Variants in NUMBL observed in about 807,000 individuals in gnomAD.
NUMBL encodes NUMB like endocytic adaptor protein.
NUMBL carries 20 observed loss-of-function variants against 48.9 expected under a neutral mutation model. The observed-to-expected ratio is 0.41, with a 90% confidence interval of 0.29 to 0.59. The LOEUF is 0.59. NUMBL is among the 20% of genes least tolerant of loss of function. The pLI is 0.31. For missense variants in NUMBL, 660 were observed against 846.2 expected (o/e 0.78, Z 2.73); for synonymous variants, 340 against 348.7 (o/e 0.98, Z 0.28).
At chr19:40,684,812 G>T in intron 2 of NUMBL, 2 of 453,586 alleles carry the variant, frequency 4.4e-6, no homozygotes, top group South Asian at 2.8e-5. Flanking sequence ...GGGGCTGGAG[G>T]TCTGGGGTGG....
intron 8 of NUMBL, among the ~76,000 whole-genome samples, chr19:40,672,673 C>G (rs1479136284): frequency 6.6e-6 from 1 of 152,226 alleles, no homozygotes; most frequent in African/African-American, 2.4e-5. Context: ...GCATGGAGAT[C>G]ATGACTGCTA....
In NUMBL at chr19:40,673,175, C is replaced by T. The variant is rs185797121; in HGVS notation, c.1036+169G>A. ...TCCTGATTTGTGCTATCTCTTTCCTCTCCCTTGCCCACTGCTAATCGATCA... is the reference window on the plus strand; with the variant it reads ...TCCTGATTTGTGCTATCTCTTTCCTTTCCCTTGCCCACTGCTAATCGATCA... On this transcript the variant is annotated intron_variant, in intron 8 of 9. Transcript: ENST00000252891. The surrounding 1 kb of genome is among the most constrained non-coding windows in gnomAD (Gnocchi z 5.9). Among the ~76,000 whole-genome samples, 1 of 152,340 alleles carries T rather than the reference C, an allele frequency of 6.6e-6. No individual in the cohort carries two copies. Among genetic ancestry groups the T allele is most frequent in the Admixed American group, 6.5e-5 (1 of 15,298 alleles).
chr19:40,674,379 C>T (rs1204974356), intron 7 of NUMBL, among the ~76,000 whole-genome samples: 2 of 152,152 alleles, frequency 1.3e-5, no homozygotes, highest in Non-Finnish European at 2.9e-5. Context: ...CTCAGCCTGG[C>T]TCCCTCCACT....
At chr19:40,686,058 G>C (rs960296373) in intron 2 of NUMBL, 2 of 153,010 alleles carry the variant, frequency 1.3e-5, no homozygotes, top group East Asian at 1.9e-4. Context: ...CTCCCTGTGA[G>C]AGCCTGGGCC....
chr19:40,667,302 C>T lies in NUMBL; in HGVS notation c.*166G>A, dbSNP rs377058004. The T allele has an allele frequency of 5.8e-5, 56 of 972,328 alleles. No homozygotes were observed. In the African/African-American group the frequency reaches 7.4e-4, roughly 13 times the overall value. 60.2% of individuals were successfully genotyped at this position (972,328 alleles called of 1,614,324 possible). A position where few individuals can be genotyped will look rare whatever the true frequency, so the allele number is the denominator to read the frequency against. Reference sequence around the variant, plus strand: ...GAATTCCATCCTGTTGCAACCTGGGCGTCACAATGTTGGTTCTGTAGTGGT... The same window carrying T: ...GAATTCCATCCTGTTGCAACCTGGGTGTCACAATGTTGGTTCTGTAGTGGT... On this transcript the variant is annotated 3_prime_UTR_variant, in exon 10 of 10. Coordinates refer to ENST00000252891, the MANE Select transcript of NUMBL (RefSeq NM_004756.5). The surrounding 1 kb of genome is among the most constrained non-coding windows in gnomAD (Gnocchi z 6.1).
chr19:40,684,607 G>T, intron 2 of NUMBL, 51 bp from the exon 3 acceptor site: 1 of 1,550,762 alleles, frequency 6.4e-7, no homozygotes. Flanking sequence ...CAGAAGGTAT[G>T]GAGCTCAACG....
chr19:40,685,767 C>G (rs1011420862), intron 2 of NUMBL: 1 of 153,144 alleles, frequency 6.5e-6, no homozygotes, highest in Non-Finnish European at 1.5e-5. Context: ...GACATTGCCT[C>G]GGAGAGTGCA....
At chr19:40,684,299 T>C in intron 3 of NUMBL, 118 bp downstream of exon 3, 2 of 1,176,170 alleles carry the variant, frequency 1.7e-6, no homozygotes, top group East Asian at 2.8e-5. Context: ...GCCTCACGCT[T>C]TTTAACACCA....
intron 8 of NUMBL, among the ~76,000 whole-genome samples, chr19:40,671,425 C>T (rs1278110990): frequency 1.3e-5 from 2 of 152,048 alleles, no homozygotes; most frequent in Non-Finnish European, 2.9e-5. Context: ...TGTGGCAAGT[C>T]ACATCCAAAT....
In NUMBL at chr19:40,680,815, C is replaced by G. The variant is rs976416080; in HGVS notation, c.540+102G>C. ...CTTCTCCAGATGAGGAAACTGGGCA[C>G]ACAGAGGTTAGTGATGTGCCTGAAT... On this transcript the variant is annotated intron_variant, in intron 6 of 9. Transcript: ENST00000252891. The G allele has an allele frequency of 1.2e-5, 16 of 1,311,838 alleles. No homozygotes were observed. The Admixed American group carries it at 1.5e-4, about 12-fold the overall frequency. The allele number at this position is 1,311,838 out of a possible 1,614,324, so 81.3% of individuals were successfully genotyped here. A position where few individuals can be genotyped will look rare whatever the true frequency, so the allele number is the denominator to read the frequency against.
intron 1 of NUMBL, among the ~76,000 whole-genome samples, chr19:40,689,834 AT>A (rs957038282): frequency 6.6e-6 from 1 of 150,838 alleles, no homozygotes; most frequent in Non-Finnish European, 1.5e-5. Flanking sequence ...AATTGTCCTT[AT>A]TTTATTCAGG....
intron 6 of NUMBL, 35 bp from the exon 7 acceptor site, chr19:40,677,456 G>T: frequency 1.3e-6 from 2 of 1,582,206 alleles, no homozygotes; most frequent in Non-Finnish European, 1.7e-6. Flanking sequence ...GGTTAGAGGC[G>T]CTGGGCAGTG....
chr19:40,684,550 G>T lies in NUMBL; in HGVS notation c.116C>A (p.Ala39Glu), dbSNP rs143941883. ...PETCRTEPDG[A>E]GTMNKLRQSL... ...CTGCCGTAACTTGTTCATGGTGCCCGCCCCGTCTGGTGACACAGGACAGTG... is the reference window on the plus strand; with the variant it reads ...CTGCCGTAACTTGTTCATGGTGCCCTCCCCGTCTGGTGACACAGGACAGTG... Residue 39 changes from alanine (A) to glutamate (E), a missense_variant, in exon 3 of 10, where the codon GCG becomes GAG. This residue lies in a region of NUMBL where 86 missense variants were observed against 85.9 expected (regional missense o/e 1.00). Transcript: ENST00000252891. 3,921 of 1,606,922 alleles carry T rather than the reference G, an allele frequency of 2.4e-3. 96 individuals carry two copies. The African/African-American group carries it at 0.046, about 19-fold the overall frequency.
In NUMBL at chr19:40,687,368, C is replaced by T. The variant is rs763700067; in HGVS notation, c.25-373G>A. 2.0e-5 allele frequency among the ~76,000 whole-genome samples: 3 copies of T among 152,190 alleles called. No homozygotes were observed. Among genetic ancestry groups the T allele is most frequent in the Non-Finnish European group, 4.4e-5 (3 of 68,024 alleles). On this transcript the variant is annotated intron_variant, in intron 1 of 9. Coordinates refer to ENST00000252891, the MANE Select transcript of NUMBL (RefSeq NM_004756.5). This position sits in a 1 kb window ranked among gnomAD's most constrained non-coding sequence, Gnocchi z 4.6. ...CTTTACACACTTGGTTACACATAGA[C>T]GCAATCACAGCTACACACCTCAGAT...
At chr19:40,675,773 A>T (rs919206323) in intron 7 of NUMBL, among the ~76,000 whole-genome samples, 58 of 152,144 alleles carry the variant, frequency 3.8e-4, no homozygotes, top group Non-Finnish European at 6.8e-4. Flanking sequence ...TCTCTCTCTC[A>T]AATAAAAGTA....
intron 2 of NUMBL, chr19:40,685,768 GGA>G (rs2081931129): frequency 6.5e-6 from 1 of 153,286 alleles, no homozygotes; most frequent in South Asian, 2.1e-4. Context: ...ACATTGCCTC[GGA>G]GAGTGCATCT....
chr19:40,670,306 C>T (rs1338306448), intron 8 of NUMBL, among the ~76,000 whole-genome samples: 1 of 152,202 alleles, frequency 6.6e-6, no homozygotes, highest in Admixed American at 6.5e-5. Flanking sequence ...TTGTCTAAAA[C>T]ACTTAGCAAC....
At chr19:40,679,047 T>C (rs2081892279) in intron 6 of NUMBL, among the ~76,000 whole-genome samples, 1 of 152,096 alleles carries the variant, frequency 6.6e-6, no homozygotes, top group African/African-American at 2.4e-5. Flanking sequence ...GCCAAGATCG[T>C]GCCACTGTAC....
Position 40,689,215 on chromosome 19 carries a change from C to A in NUMBL, c.24+1245G>T, listed in dbSNP as rs558847158. 2.1e-3 allele frequency among the ~76,000 whole-genome samples: 319 copies of A among 152,246 alleles called. 1 individual carries two copies. Among genetic ancestry groups the A allele is most frequent in the Non-Finnish European group, 3.8e-3 (256 of 68,024 alleles). On this transcript the variant is annotated intron_variant, in intron 1 of 9. Coordinates refer to ENST00000252891, the MANE Select transcript of NUMBL (RefSeq NM_004756.5). ...CAGACTCAACACATACTGTCACATACCCAGTTATAGTTACCGAGGCATACA... is the reference window on the plus strand; with the variant it reads ...CAGACTCAACACATACTGTCACATAACCAGTTATAGTTACCGAGGCATACA...
Sources: allele counts gnomAD v4.1 joint callset (sites outside exome capture counted in the v4.1 genomes callset), GRCh38; gene constraint gnomAD v4.1.1; regional missense constraint gnomAD v4.1.1; non-coding constraint Gnocchi (gnomAD v3.1); transcripts MANE v1.5; gene names NCBI Gene and HGNC (gene_info 2026-07-23, HGNC 2026-07-21).